SEMA3E: variants seen among roughly 807,000 people sequenced by gnomAD.
SEMA3E encodes semaphorin-3E.
SEMA3E carries 49 observed loss-of-function variants against 93.6 expected under a neutral mutation model. The observed-to-expected ratio is 0.52, with a 90% CI of 0.42 to 0.66. The LOEUF (loss-of-function observed/expected upper bound fraction) is 0.66. Among genes scored for constraint, SEMA3E ranks in the 30% least tolerant of loss-of-function variants. SEMA3E has a pLI of 0.00. For missense variants in SEMA3E, 906 were observed against 964.8 expected (o/e 0.94, Z 0.81); for synonymous variants, 363 against 330.7 (o/e 1.10, Z -1.06).
Position 83,402,787 on chromosome 7 carries a change from CA to C in SEMA3E, c.999-12del, listed in dbSNP as rs1418610753. 1.9e-6 allele frequency: 3 copies of C among 1,609,584 alleles called. No individual in the cohort carries two copies. The highest frequency in any genetic ancestry group is 1.1e-5 in the South Asian group (1 of 90,850). ...CCTCGAAAAATATTACTGAAAAATACAAAAAAGATAATTATTCTTCTGGAAC... is the reference window on the plus strand; with the variant it reads ...CCTCGAAAAATATTACTGAAAAATACAAAAAGATAATTATTCTTCTGGAAC... On this transcript the variant is annotated splice_polypyrimidine_tract_variant and intron_variant, in intron 9 of 16. Coordinates refer to ENST00000643230, the MANE Select transcript of SEMA3E (RefSeq NM_012431.3).
At chr7:83,452,113 A>C (rs1481611819) in intron 4 of SEMA3E, among the ~76,000 whole-genome samples, 3 of 137,396 alleles carry the variant, frequency 2.2e-5, no homozygotes, top group African/African-American at 7.6e-5. Context: ...AATTATATCC[A>C]TATGTGTATG....
chr7:83,396,564 T>C (rs1485937141), intron 12 of SEMA3E, 74 bp downstream of exon 12: 5 of 879,140 alleles, frequency 5.7e-6, no homozygotes, highest in South Asian at 1.4e-5. Flanking sequence ...AAAATGGACA[T>C]AGTATCTTTC....
rs1180431769 is a variant in SEMA3E, at chr7:83,400,151, T to G, written c.1243A>C (p.Ile415Leu). ...ARSHPLMYQA[I>L]KPAHKKPILV... ...ATTGGTTTTTTATGGGCAGGTTTTA[T>G]GGCCTGGTACATTAGTGGATGACTT... is the stretch of plus-strand genomic sequence containing the variant. The change falls in exon 11 of 17, where the codon ATA (isoleucine) becomes CTA (leucine). Residue 415 changes from isoleucine (I) to leucine (L), a missense_variant. Transcript: ENST00000643230. 1 of 1,614,058 alleles carries G rather than the reference T, an allele frequency of 6.2e-7. No individual in the cohort carries two copies.
chr7:83,434,709 C>CTTTT (rs76539180), intron 4 of SEMA3E, among the ~76,000 whole-genome samples: 78 of 120,208 alleles, frequency 6.5e-4, no homozygotes, highest in African/African-American at 8.6e-4. Flanking sequence ...AACTGTATTT[C>CTTTT]TTTTTTTTTT....
intron 2 of SEMA3E, among the ~76,000 whole-genome samples, chr7:83,477,498 A>C (rs1011413070): frequency 2.0e-5 from 3 of 152,134 alleles, no homozygotes; most frequent in Non-Finnish European, 4.4e-5. Flanking sequence ...ATCTGTCATT[A>C]TGTTTATGCC....
chr7:83,521,801 C>A (rs772663601), intron 1 of SEMA3E, among the ~76,000 whole-genome samples: 5 of 152,168 alleles, frequency 3.3e-5, no homozygotes, highest in Middle Eastern at 3.4e-3. Context: ...GGACACTAAT[C>A]CTATGAGGGC....
chr7:83,612,366 A>C (rs1793283713), intron 1 of SEMA3E, among the ~76,000 whole-genome samples: 1 of 152,136 alleles, frequency 6.6e-6, no homozygotes, highest in South Asian at 2.1e-4. Flanking sequence ...TCATGCTCTC[A>C]GTAAATACAA....
At chr7:83,416,531 C>T (rs1788543411) in intron 5 of SEMA3E, among the ~76,000 whole-genome samples, 1 of 152,020 alleles carries the variant, frequency 6.6e-6, no homozygotes, top group South Asian at 2.1e-4. Flanking sequence ...AATTTGCCTT[C>T]TAATATTCTC....
At chr7:83,463,332 C>A (rs1169408747) in intron 4 of SEMA3E, among the ~76,000 whole-genome samples, 2 of 152,118 alleles carry the variant, frequency 1.3e-5, no homozygotes, top group Non-Finnish European at 1.5e-5. Flanking sequence ...TGCTTTAATA[C>A]TTTTAGAGGC....
At position 83,435,790 on chromosome 7, in the gene SEMA3E, G is replaced by A. The variant is rs970861365; in HGVS notation, c.457-17307C>T. On this transcript the variant is annotated intron_variant, in intron 4 of 16. Transcript: ENST00000643230. ...ATATTATTTATATCATTGGTCTTTC[G>A]TGATGTAAAATTCCATGGTTAATAT... Among the ~76,000 whole-genome samples the A allele has an allele frequency of 2.6e-5, 4 of 152,096 alleles. No homozygotes were observed. In the South Asian group the frequency reaches 6.2e-4, roughly 24 times the overall value.
At chr7:83,473,186 C>T (rs1748240176) in intron 2 of SEMA3E, among the ~76,000 whole-genome samples, 3 of 152,144 alleles carry the variant, frequency 2.0e-5, no homozygotes. Context: ...ATAACACAGC[C>T]AAGTAGCATG....
chr7:83,602,525 T>A (rs1266823696), intron 1 of SEMA3E, among the ~76,000 whole-genome samples: 1 of 151,952 alleles, frequency 6.6e-6, no homozygotes, highest in Non-Finnish European at 1.5e-5. Context: ...GTCGCCAGGC[T>A]GGAGTGCAGT....
At chr7:83,429,244 T>C (rs1037689464) in intron 4 of SEMA3E, among the ~76,000 whole-genome samples, 7 of 152,292 alleles carry the variant, frequency 4.6e-5, no homozygotes, top group Admixed American at 1.3e-4. Flanking sequence ...AATTGTCTTA[T>C]TCCTAAAACT....
At chr7:83,485,513 T>G (rs1584281345) in intron 2 of SEMA3E, among the ~76,000 whole-genome samples, 1 of 152,188 alleles carries the variant, frequency 6.6e-6, no homozygotes. Flanking sequence ...TACAGGTACA[T>G]AATTAAATAT....
At position 83,601,432 on chromosome 7, in the gene SEMA3E, C is replaced by CTTT. The variant is rs113566090; in HGVS notation, c.115+46993_115+46995dup. The stretch of plus-strand genomic sequence containing the variant: ...GGTGAACTTGGGCAAATTACTTACT[C>CTTT]TTTTTTTTTTTATCATTCTTACACT... On this transcript the variant is annotated intron_variant, in intron 1 of 16. Coordinates refer to ENST00000643230, the MANE Select transcript of SEMA3E (RefSeq NM_012431.3). Among the ~76,000 whole-genome samples, 33 of 148,210 alleles carry CTTT rather than the reference C, an allele frequency of 2.2e-4. No homozygotes were observed. The South Asian group carries it at 2.3e-3, about 11-fold the overall frequency.
At chr7:83,597,048 G>A (rs971508450) in intron 1 of SEMA3E, among the ~76,000 whole-genome samples, 6 of 152,038 alleles carry the variant, frequency 3.9e-5, no homozygotes, top group African/African-American at 7.2e-5. Flanking sequence ...AACGGAACCG[G>A]TGACTGCCTA....
intron 1 of SEMA3E, among the ~76,000 whole-genome samples, chr7:83,568,879 T>C (rs1400027183): frequency 6.6e-6 from 1 of 151,960 alleles, no homozygotes; most frequent in Non-Finnish European, 1.5e-5. Context: ...GTCAGAGCAA[T>C]AGACAAGAGG....
chr7:83,483,520 G>A (rs1790190731), intron 2 of SEMA3E, among the ~76,000 whole-genome samples: 1 of 151,872 alleles, frequency 6.6e-6, no homozygotes, highest in Non-Finnish European at 1.5e-5. Context: ...AGGATCCCTA[G>A]GTTTTGCCAG....
intron 11 of SEMA3E, 62 bp from the exon 12 acceptor site, chr7:83,396,791 A>AAC (rs10627672): frequency 7.6e-6 from 9 of 1,179,610 alleles, no homozygotes; most frequent in African/African-American, 1.5e-5. Context: ...TTTCAAAAAA[A>AAC]CCATGTAGCT....
Sources: gnomAD v4.1 joint callset for allele counts (sites outside exome capture counted in the v4.1 genomes callset) on GRCh38, gnomAD v4.1.1 for gene constraint, MANE v1.5 for transcripts, NCBI Gene and HGNC (gene_info 2026-07-23, HGNC 2026-07-21) for gene names.